The following ZNF638 variants were observed in gnomAD, a reference collection of about 807,000 sequenced individuals.
ZNF638 encodes the protein CTCL tumor antigen se33-1.
ZNF638 carries 46 observed loss-of-function variants against 195.6 expected under a neutral mutation model. The observed-to-expected ratio is 0.24, with a 90% CI of 0.19 to 0.30. The LOEUF (loss-of-function observed/expected upper bound fraction) is 0.30. Ranked by LOEUF, ZNF638 falls within the 10% of genes least tolerant of loss-of-function variation. The pLI is 1.00. For missense variants in ZNF638, 2,440 were observed against 2,325.3 expected (o/e 1.05, Z -1.01); for synonymous variants, 845 against 772.0 (o/e 1.09, Z -1.57).
chr2:71,411,426 CTTTT>C (rs1428802182), intron 20 of ZNF638, among the ~76,000 whole-genome samples: 1 of 147,110 alleles, frequency 6.8e-6, no homozygotes, highest in Non-Finnish European at 1.5e-5. Flanking sequence ...TGAGGATGTT[CTTTT>C]GAGTTTTTTA....
chr2:71,368,948 G>A lies in ZNF638; in HGVS notation c.2142+420G>A, dbSNP rs571715763. Among the ~76,000 whole-genome samples, 7 of 152,310 alleles carry A rather than the reference G, an allele frequency of 4.6e-5. No individual in the cohort carries two copies. The East Asian group carries it at 1.3e-3, about 29-fold the overall frequency. On this transcript the variant is annotated intron_variant, in intron 7 of 27. Transcript: ENST00000264447. ...AATACTAAAACAAATTATTTCCTTT[G>A]TATGGTTAAGTATTTTCTGTGGGTT... is the stretch of plus-strand genomic sequence containing the variant.
chr2:71,383,150 C>G (rs1573087918), intron 10 of ZNF638, among the ~76,000 whole-genome samples: 1 of 152,010 alleles, frequency 6.6e-6, no homozygotes, highest in African/African-American at 2.4e-5. Flanking sequence ...TGGTGAAACC[C>G]CGTCTCTACT....
intron 22 of ZNF638, 135 bp from the exon 23 acceptor site, chr2:71,424,515 A>G (rs1479927139): frequency 1.5e-5 from 10 of 681,328 alleles, no homozygotes; most frequent in Non-Finnish European, 2.5e-5. Flanking sequence ...TTTTGTATAC[A>G]TGTTAAATAA....
At chr2:71,396,772 T>G (rs1271184581) in intron 11 of ZNF638, among the ~76,000 whole-genome samples, 1 of 152,124 alleles carries the variant, frequency 6.6e-6, no homozygotes, top group Non-Finnish European at 1.5e-5. Context: ...GGTGAAATTC[T>G]GTCTCTACTG....
At chr2:71,358,589 G>A (rs2079061264) in intron 3 of ZNF638, among the ~76,000 whole-genome samples, 1 of 152,202 alleles carries the variant, frequency 6.6e-6, no homozygotes, top group South Asian at 2.1e-4. Flanking sequence ...TCGTTACACA[G>A]GTAACTGTGG....
At chr2:71,344,967 AAT>A (rs1169947081) in intron 1 of ZNF638, among the ~76,000 whole-genome samples, 10 of 152,214 alleles carry the variant, frequency 6.6e-5, no homozygotes, top group African/African-American at 9.7e-5. Flanking sequence ...GTGCAAATGA[AAT>A]ATGAGTATAC....
In ZNF638 at chr2:71,349,819, A is replaced by T. The variant is rs147769180; in HGVS notation, c.865A>T (p.Ser289Cys). The T allele has an allele frequency of 2.5e-6, 4 of 1,614,042 alleles. No homozygotes were observed. Among genetic ancestry groups the T allele is most frequent in the African/African-American group, 1.3e-5 (1 of 74,926 alleles). Reference sequence around the variant, plus strand: ...TAATCGGTCCTTTTTCTCAGTTGAGAGTGGAACCAAGATGTCAGGCTTACA... The same window carrying T: ...TAATCGGTCCTTTTTCTCAGTTGAGTGTGGAACCAAGATGTCAGGCTTACA... ...SNNRSFFSVE[S>C]GTKMSGLHIS... Residue 289 changes from serine to cysteine, a missense_variant, in exon 2 of 28, where the codon AGT becomes TGT. This residue lies in a region of ZNF638 where 305 missense variants were observed against 283.6 expected (regional missense o/e 1.08). Transcript: ENST00000264447.
At chr2:71,395,350 G>C (rs753270022) in intron 10 of ZNF638, 7 of 713,678 alleles carry the variant, frequency 9.8e-6, no homozygotes, top group South Asian at 4.5e-5. Flanking sequence ...AAAACAAAAG[G>C]GGGAGATGTA....
chr2:71,351,717 A>G (rs1475708486), intron 2 of ZNF638, among the ~76,000 whole-genome samples: 1 of 152,222 alleles, frequency 6.6e-6, no homozygotes, highest in African/African-American at 2.4e-5. Context: ...CCAATTAGGT[A>G]CTGGGGCAGA....
chr2:71,434,065 T>A (rs540086983), intron 27 of ZNF638, among the ~76,000 whole-genome samples: 14 of 152,262 alleles, frequency 9.2e-5, no homozygotes, highest in African/African-American at 3.4e-4. Context: ...ATGTCACTTT[T>A]CCATTTAAAA....
intron 21 of ZNF638, among the ~76,000 whole-genome samples, chr2:71,421,684 TAGG>T (rs1307030063): frequency 6.6e-6 from 1 of 152,186 alleles, no homozygotes; most frequent in Non-Finnish European, 1.5e-5. Flanking sequence ...CCTTAAAAAA[TAGG>T]AGAAGAAAGT....
intron 19 of ZNF638, among the ~76,000 whole-genome samples, chr2:71,406,537 T>C (rs2080109487): frequency 6.6e-6 from 1 of 152,134 alleles, no homozygotes; most frequent in Non-Finnish European, 1.5e-5. Context: ...ACTGGGAAGT[T>C]TAGACCTGAG....
intron 10 of ZNF638, chr2:71,395,575 T>C (rs2079876046): frequency 1.7e-6 from 1 of 591,424 alleles, no homozygotes; most frequent in Non-Finnish European, 3.1e-6. Context: ...GATCATCCTA[T>C]TGCGCGCAGG....
In ZNF638 at chr2:71,381,120, C is replaced by T. The variant is rs556446469; in HGVS notation, c.2377+555C>T. 3.3e-5 allele frequency among the ~76,000 whole-genome samples: 5 copies of T among 152,040 alleles called. No individual in the cohort carries two copies. The South Asian group carries it at 1.0e-3, about 32-fold the overall frequency. ...AATCCGGGTTCTCCTTTTTCTTAGT[C>T]CATTTAGGACTAGAAAGGTGGAAAG... On this transcript the variant is annotated intron_variant, in intron 10 of 27. Transcript: ENST00000264447.
chr2:71,359,341 A>G (rs2079072314), intron 3 of ZNF638, among the ~76,000 whole-genome samples: 1 of 152,188 alleles, frequency 6.6e-6, no homozygotes, highest in Non-Finnish European at 1.5e-5. Flanking sequence ...CTGCTGATGC[A>G]AGTTGCATAA....
At chr2:71,396,539 T>C (rs1037589826) in intron 11 of ZNF638, among the ~76,000 whole-genome samples, 4 of 152,242 alleles carry the variant, frequency 2.6e-5, no homozygotes, top group East Asian at 1.9e-4. Context: ...TAGGTAATTA[T>C]TAAGTTTTTT....
chr2:71,366,939 A>G (rs2079210684), intron 6 of ZNF638, among the ~76,000 whole-genome samples: 1 of 152,194 alleles, frequency 6.6e-6, no homozygotes, highest in Admixed American at 6.5e-5. Context: ...TAGGCCCAAT[A>G]TCAAATATTT....
intron 10 of ZNF638, among the ~76,000 whole-genome samples, chr2:71,387,011 C>T (rs1015520164): frequency 6.6e-6 from 1 of 151,914 alleles, no homozygotes; most frequent in Non-Finnish European, 1.5e-5. Context: ...CCTCATCCAG[C>T]TAAACCTTTT....
chr2:71,369,838 T>C, intron 7 of ZNF638, 45 bp from the exon 8 acceptor site: 1 of 1,538,030 alleles, frequency 6.5e-7, no homozygotes, highest in Non-Finnish European at 8.7e-7. Flanking sequence ...GCAGGAACTT[T>C]TAAAGATAGA....
Sources: gnomAD v4.1 joint callset for allele counts (sites outside exome capture counted in the v4.1 genomes callset) on GRCh38, gnomAD v4.1.1 for gene constraint, gnomAD v4.1.1 regional missense constraint, MANE v1.5 for transcripts, NCBI Gene and HGNC (gene_info 2026-07-23, HGNC 2026-07-21) for gene names.